GRK5: variants seen among roughly 807,000 people sequenced by gnomAD.
GRK5 encodes G protein-coupled receptor kinase 5.
GRK5 carries 40 observed loss-of-function variants against 78.4 expected under a neutral mutation model. The observed-to-expected ratio is 0.51, with a 90% CI of 0.40 to 0.66. GRK5 has a LOEUF of 0.66. GRK5 is among the 30% of genes least tolerant of loss of function. The pLI, the probability that GRK5 is intolerant of heterozygous loss-of-function variation, is 0.00. For synonymous variants in GRK5, 289 were observed against 296.8 expected, an observed-to-expected ratio of 0.97 and a Z score of 0.27; for missense variants, 598 against 759.9, an observed-to-expected ratio of 0.79 and a Z score of 2.50.
At chr10:119,328,655 G>A (rs1850718691) in intron 2 of GRK5, among the ~76,000 whole-genome samples, 2 of 152,318 alleles carry the variant, frequency 1.3e-5, no homozygotes, top group East Asian at 1.9e-4. Context: ...CATCCACAGG[G>A]CCACAGGGCT....
intron 1 of GRK5, among the ~76,000 whole-genome samples, chr10:119,228,346 A>G (rs1024314980): frequency 6.7e-6 from 1 of 148,468 alleles, no homozygotes; most frequent in African/African-American, 2.5e-5. Flanking sequence ...CCCTGTCTCA[A>G]AAAAAACAAA....
intron 4 of GRK5, among the ~76,000 whole-genome samples, chr10:119,420,383 T>C (rs1346400588): frequency 6.7e-6 from 1 of 149,838 alleles, no homozygotes; most frequent in Non-Finnish European, 1.5e-5. Flanking sequence ...AAAGAAGGTT[T>C]GAAAGCCATT....
rs1204994447 is a variant in GRK5 at position 119,441,875 on chromosome 10, G to A, written c.968-124G>A. 4 of 702,632 alleles carry A rather than the reference G, an allele frequency of 5.7e-6. 1 individual carries two copies. Among genetic ancestry groups the A allele is most frequent in the South Asian group, 4.9e-5 (3 of 60,878 alleles). 43.5% of individuals were successfully genotyped at this position (702,632 alleles called of 1,614,324 possible). A position where few individuals can be genotyped will look rare whatever the true frequency, so the allele number is the denominator to read the frequency against. ...GGTCACTCTGAGATGGCAGATTGGG[G>A]TCCCTGTTGTCCTTGGACAGATGAG... is the stretch of plus-strand genomic sequence containing the variant. On this transcript the variant is annotated intron_variant, in intron 10 of 15. Coordinates refer to ENST00000392870, the MANE Select transcript of GRK5 (RefSeq NM_005308.3).
At chr10:119,275,587 G>GCTCTCTCTCTCTCT (rs143881383) in intron 1 of GRK5, among the ~76,000 whole-genome samples, 4 of 130,632 alleles carry the variant, frequency 3.1e-5, no homozygotes, top group African/African-American at 5.5e-5. Context: ...GCGTGTGCAC[G>GCTCTCTCTCTCTCT]CTCTCTCTCT....
intron 1 of GRK5, among the ~76,000 whole-genome samples, chr10:119,242,854 C>T (rs1032726850): frequency 6.6e-6 from 1 of 151,978 alleles, no homozygotes; most frequent in African/African-American, 2.4e-5. Flanking sequence ...CCTGAGCTCC[C>T]CCCGCCCCCA....
chr10:119,364,925 A>G (rs894962296), intron 2 of GRK5, among the ~76,000 whole-genome samples: 4 of 152,170 alleles, frequency 2.6e-5, no homozygotes, highest in Admixed American at 6.5e-5. Flanking sequence ...CACCACAATC[A>G]TATTCTTTGA....
chr10:119,341,424 C>T (rs1317924551), intron 2 of GRK5, among the ~76,000 whole-genome samples: 2 of 152,206 alleles, frequency 1.3e-5, no homozygotes, highest in Non-Finnish European at 2.9e-5. Flanking sequence ...CTTCATGTTT[C>T]TTCTTTTCTC....
At chr10:119,390,758 T>C (rs908882927) in intron 3 of GRK5, among the ~76,000 whole-genome samples, 3 of 152,060 alleles carry the variant, frequency 2.0e-5, no homozygotes, top group Non-Finnish European at 4.4e-5. Flanking sequence ...CCGAGAACAG[T>C]ACCAGAAAGA....
chr10:119,239,572 T>G (rs929029452), intron 1 of GRK5, among the ~76,000 whole-genome samples: 2 of 152,158 alleles, frequency 1.3e-5, no homozygotes, highest in Admixed American at 1.3e-4. Context: ...GGGATACATG[T>G]GCAGAACGTG....
chr10:119,343,376 GCAGA>G, intron 2 of GRK5, among the ~76,000 whole-genome samples: 1 of 152,328 alleles, frequency 6.6e-6, no homozygotes, highest in Admixed American at 6.5e-5. Flanking sequence ...TATGTGCTTT[GCAGA>G]CACACACTCG....
intron 2 of GRK5, among the ~76,000 whole-genome samples, chr10:119,372,384 T>C (rs1238397136): frequency 1.3e-5 from 2 of 152,260 alleles, no homozygotes; most frequent in Admixed American, 1.3e-4. Flanking sequence ...AGTTCTTTAA[T>C]AGTACTGCCC....
intron 1 of GRK5, among the ~76,000 whole-genome samples, chr10:119,221,080 C>T (rs1848650019): frequency 6.7e-6 from 1 of 150,336 alleles, no homozygotes; most frequent in Non-Finnish European, 1.5e-5. Flanking sequence ...GGCGTGAACC[C>T]GGGAGGCGGA....
At chr10:119,258,250 T>C (rs114100165) in intron 1 of GRK5, among the ~76,000 whole-genome samples, 176 of 152,338 alleles carry the variant, frequency 1.2e-3, no homozygotes, top group African/African-American at 4.0e-3. Flanking sequence ...CATAATGTAT[T>C]TGAGATTTGT....
chr10:119,284,255 T>C (rs1849811511), intron 1 of GRK5, among the ~76,000 whole-genome samples: 1 of 152,130 alleles, frequency 6.6e-6, no homozygotes, highest in African/African-American at 2.4e-5. Flanking sequence ...ATTATTTTAA[T>C]AATATTTTAA....
chr10:119,392,840 C>T (rs1288115339), intron 3 of GRK5, among the ~76,000 whole-genome samples: 1 of 152,226 alleles, frequency 6.6e-6, no homozygotes, highest in Non-Finnish European at 1.5e-5. Flanking sequence ...TACAGTTTAC[C>T]TTTCTTTTCA....
intron 2 of GRK5, among the ~76,000 whole-genome samples, chr10:119,344,955 CCTCG>C (rs1460253768): frequency 3.0e-5 from 4 of 132,408 alleles, no homozygotes; most frequent in African/African-American, 8.0e-5. Flanking sequence ...TCCCTCCCTC[CCTCG>C]CTCCTTCCTT....
intron 1 of GRK5, among the ~76,000 whole-genome samples, chr10:119,226,392 A>G (rs1848741827): frequency 6.7e-6 from 1 of 149,444 alleles, no homozygotes; most frequent in South Asian, 2.1e-4. Context: ...GCCCACTGCA[A>G]CCTTTGCCTC....
intron 1 of GRK5, among the ~76,000 whole-genome samples, chr10:119,239,683 C>A (rs956071019): frequency 6.6e-6 from 1 of 150,762 alleles, no homozygotes; most frequent in African/African-American, 2.4e-5. Context: ...CCTCCCCTAG[C>A]CCCCCACCCC....
intron 1 of GRK5, among the ~76,000 whole-genome samples, chr10:119,313,248 GTGGTGGTGA>G (rs1850425210): frequency 1.3e-5 from 2 of 150,224 alleles, no homozygotes; most frequent in African/African-American, 2.4e-5. Context: ...GGTGGTAATG[GTGGTGGTGA>G]TGGTGGTGGT....
Sources: allele counts gnomAD v4.1 joint callset (sites outside exome capture counted in the v4.1 genomes callset), GRCh38; gene constraint gnomAD v4.1.1; transcripts MANE v1.5; gene names NCBI Gene and HGNC (gene_info 2026-07-23, HGNC 2026-07-21).